The following MALRD1 variants were observed in gnomAD, a reference collection of about 807,000 sequenced individuals.
The protein encoded by MALRD1 is MAM and LDL-receptor class A domain-containing protein 1.
In MALRD1, 247 loss-of-function variants were observed where a neutral mutation model predicts 242.1. The observed-to-expected ratio is 1.02, with a 90% CI of 0.92 to 1.13. MALRD1 has a LOEUF of 1.13. Ranked by LOEUF, MALRD1 falls within the 50% of genes most tolerant of loss-of-function variation. The pLI, the probability that MALRD1 is intolerant of heterozygous loss-of-function variation, is 0.00. For missense variants in MALRD1, 2,989 were observed against 2,533.1 expected, an observed-to-expected ratio of 1.18 and a Z score of -3.86; for synonymous variants, 995 against 866.6, an observed-to-expected ratio of 1.15 and a Z score of -2.60.
chr10:19,663,933 A>G (rs985735002), intron 36 of MALRD1, among the ~76,000 whole-genome samples: 2 of 152,058 alleles, frequency 1.3e-5, no homozygotes, highest in Non-Finnish European at 2.9e-5. Context: ...GGCCACACCC[A>G]TACACATTTC....
At chr10:19,253,098 A>G (rs1588785059) in intron 18 of MALRD1, among the ~76,000 whole-genome samples, 2 of 151,978 alleles carry the variant, frequency 1.3e-5, no homozygotes, top group African/African-American at 2.4e-5. Context: ...AGAGAGCTTC[A>G]TGTAATGCCT....
chr10:19,605,821 G>T (rs1306324611), intron 34 of MALRD1, among the ~76,000 whole-genome samples: 3 of 151,794 alleles, frequency 2.0e-5, no homozygotes, highest in Admixed American at 6.6e-5. Context: ...CTCCTGTATT[G>T]TTGTTCTCTT....
At chr10:19,442,223 G>T (rs1018765698) in intron 28 of MALRD1, among the ~76,000 whole-genome samples, 2 of 152,182 alleles carry the variant, frequency 1.3e-5, no homozygotes, top group Admixed American at 1.3e-4. Context: ...TCAGCTTAAG[G>T]AGATTTGGGG....
chr10:19,561,504 G>A (rs1461980379), intron 32 of MALRD1, among the ~76,000 whole-genome samples: 1 of 152,172 alleles, frequency 6.6e-6, no homozygotes, highest in Non-Finnish European at 1.5e-5. Context: ...TGCCTCAAAT[G>A]ATGCTCTGTT....
chr10:19,316,645 G>T (rs1842718319), intron 21 of MALRD1, among the ~76,000 whole-genome samples: 2 of 151,918 alleles, frequency 1.3e-5, no homozygotes, highest in South Asian at 2.1e-4. Context: ...GGAATGATCT[G>T]CTGCAGATAC....
At chr10:19,634,928 G>C (rs901852863) in intron 36 of MALRD1, among the ~76,000 whole-genome samples, 2 of 152,144 alleles carry the variant, frequency 1.3e-5, no homozygotes, top group African/African-American at 2.4e-5. Flanking sequence ...GATGAAACTG[G>C]ATGTGCAAGC....
chr10:19,323,939 C>G lies in MALRD1; in HGVS notation c.3420-10C>G. 6.5e-7 allele frequency: 1 copy of G among 1,550,138 alleles called. No individual in the cohort carries two copies. The highest frequency in any genetic ancestry group is 1.2e-5 in the South Asian group (1 of 84,034). On this transcript the variant is annotated splice_polypyrimidine_tract_variant and intron_variant, in intron 21 of 39. Transcript: ENST00000454679. Reference sequence around the variant, plus strand: ...TATTCCTTTTATAATATGATAAATTCCTTTTCCAGAAATACCACTGATGGC... The same window carrying G: ...TATTCCTTTTATAATATGATAAATTGCTTTTCCAGAAATACCACTGATGGC...
chr10:19,095,759 A>G (rs1836005201), intron 4 of MALRD1, among the ~76,000 whole-genome samples: 1 of 152,152 alleles, frequency 6.6e-6, no homozygotes, highest in Non-Finnish European at 1.5e-5. Context: ...AAGTGTTATT[A>G]ACCGCTGGAG....
Position 19,050,083 on chromosome 10 carries a change from C to CTT in MALRD1, c.199+967_199+968dup, listed in dbSNP as rs34692209. Among the ~76,000 whole-genome samples the CTT allele has an allele frequency of 4.5e-3, 411 of 90,446 alleles. 1 individual carries two copies. The highest frequency in any genetic ancestry group is 6.0e-3 in the Non-Finnish European group (291 of 48,308). 59.3% of individuals were successfully genotyped at this position (90,446 alleles called of 152,430 possible). On this transcript the variant is annotated intron_variant, in intron 1 of 39. Transcript: ENST00000454679. ...GTCACTTAACTCAAACATATGTCTT[C>CTT]TTTTTTTTTTTTTTTTTTTTTTGAG... is the stretch of plus-strand genomic sequence containing the variant.
intron 28 of MALRD1, among the ~76,000 whole-genome samples, chr10:19,403,296 G>A (rs1285565170): frequency 6.6e-6 from 1 of 152,074 alleles, no homozygotes. Context: ...TTATAAATTA[G>A]ACCATCTGGT....
intron 36 of MALRD1, among the ~76,000 whole-genome samples, chr10:19,663,796 G>GT (rs368036043): frequency 0.022 from 3,229 of 149,722 alleles, 105 homozygotes; most frequent in African/African-American, 0.074. Flanking sequence ...AGAAATGGGA[G>GT]TTTTTTTTTT....
At chr10:19,617,754 C>A (rs1839226811) in intron 36 of MALRD1, among the ~76,000 whole-genome samples, 1 of 151,858 alleles carries the variant, frequency 6.6e-6, no homozygotes, top group Non-Finnish European at 1.5e-5. Context: ...CTTATATATT[C>A]TTTTAACATT....
At chr10:19,472,332 G>T (rs1032831955) in intron 29 of MALRD1, among the ~76,000 whole-genome samples, 1 of 151,988 alleles carries the variant, frequency 6.6e-6, no homozygotes, top group Non-Finnish European at 1.5e-5. Context: ...TTGCATGGAT[G>T]TTTATCAGGA....
intron 21 of MALRD1, among the ~76,000 whole-genome samples, chr10:19,301,572 T>C (rs974164234): frequency 6.6e-6 from 1 of 151,854 alleles, no homozygotes; most frequent in Non-Finnish European, 1.5e-5. Flanking sequence ...GTGACAGGGT[T>C]GAAGCTGGAG....
intron 21 of MALRD1, among the ~76,000 whole-genome samples, chr10:19,287,323 G>A (rs967440223): frequency 1.3e-5 from 2 of 151,750 alleles, no homozygotes; most frequent in South Asian, 4.2e-4. Context: ...AAAAATTTTG[G>A]CTTCCTCTAT....
In MALRD1 at chr10:19,607,881, C is replaced by G; in HGVS notation, c.6049C>G (p.Leu2017Val). 4 of 1,549,702 alleles carry G rather than the reference C, an allele frequency of 2.6e-6. No homozygotes were observed. The highest frequency in any genetic ancestry group is 3.5e-6 in the Non-Finnish European group (4 of 1,146,452). The part of the protein sequence containing the change: ...DGFADCMDFQ[L>V]DESSCSECPL... The stretch of plus-strand genomic sequence containing the variant: ...TTTTGCCGACTGCATGGATTTCCAG[C>G]TTGATGAGTCCAGCTGCTCCGGTAC... Residue 2017 changes from leucine to valine, a missense_variant, in exon 35 of 40, where the codon CTT (leucine) becomes GTT (valine). Transcript: ENST00000454679.
At chr10:19,396,307 T>G (rs1421828636) in intron 28 of MALRD1, among the ~76,000 whole-genome samples, 1 of 151,944 alleles carries the variant, frequency 6.6e-6, no homozygotes, top group Non-Finnish European at 1.5e-5. Flanking sequence ...TGGCTAATTT[T>G]TGTATTTTTA....
intron 18 of MALRD1, among the ~76,000 whole-genome samples, chr10:19,240,154 T>A (rs1838695046): frequency 1.3e-5 from 2 of 152,088 alleles, no homozygotes; most frequent in South Asian, 4.1e-4. Flanking sequence ...TTTTTGTGTA[T>A]CGTAAATTTT....
intron 2 of MALRD1, among the ~76,000 whole-genome samples, chr10:19,075,958 C>T (rs1473877844): frequency 1.3e-5 from 2 of 151,982 alleles, no homozygotes; most frequent in African/African-American, 2.4e-5. Context: ...GTAAAATCTC[C>T]GTTTTACTAG....
Sources: gnomAD v4.1 joint callset for allele counts (sites outside exome capture counted in the v4.1 genomes callset) on GRCh38, gnomAD v4.1.1 for gene constraint, MANE v1.5 for transcripts, NCBI Gene and HGNC (gene_info 2026-07-23, HGNC 2026-07-21) for gene names.